Variants in USP42 observed in about 807,000 individuals in gnomAD.
The protein encoded by USP42 is ubiquitin specific peptidase 42.
In USP42, 23 loss-of-function variants were observed where a neutral mutation model predicts 113.0. That is an observed-to-expected ratio of 0.20 (90% CI 0.15 to 0.29). The LOEUF is 0.29. Among genes scored for constraint, USP42 ranks in the 10% least tolerant of loss-of-function variants. The probability of loss-of-function intolerance (pLI) is 1.00; values close to 1 mark genes in which losing one functional copy is unlikely to be tolerated. For synonymous variants in USP42, 933 were observed against 699.0 expected, an observed-to-expected ratio of 1.33 and a Z score of -5.28; for missense variants, 2,174 against 1,779.8, an observed-to-expected ratio of 1.22 and a Z score of -3.99.
rs1361649537 is a variant in USP42, at chr7:6,158,227, C to T, written c.3943+1172C>T. Among the ~76,000 whole-genome samples the T allele has an allele frequency of 6.6e-6, 1 of 152,238 alleles. No individual in the cohort carries two copies. Among genetic ancestry groups the T allele is most frequent in the Admixed American group, 6.5e-5 (1 of 15,290 alleles). On this transcript the variant is annotated intron_variant, in intron 16 of 17. Coordinates refer to ENST00000306177, the MANE Select transcript of USP42 (RefSeq NM_032172.3). The surrounding 1 kb of genome is among the most constrained non-coding windows in gnomAD (Gnocchi z 4.2). ...GCGTTCCCACGCTGTCTGGCGGCTT[C>T]GCTGTCACTGCCTGGCAGAGGTGAG...
the USP42 span, among the ~76,000 whole-genome samples, chr7:6,087,265 A>G: frequency 6.7e-6 from 1 of 148,324 alleles, no homozygotes; most frequent in Non-Finnish European, 1.5e-5. Flanking sequence ...TCCTGACCTC[A>G]GGTGATCTGC....
At chr7:6,121,850 G>A (rs1313165712) in intron 3 of USP42, among the ~76,000 whole-genome samples, 1 of 152,030 alleles carries the variant, frequency 6.6e-6, no homozygotes, top group Non-Finnish European at 1.5e-5. Flanking sequence ...TTGTAGAGAC[G>A]AGGTCTCACT....
rs778976025 is a variant in USP42, at chr7:6,156,861, T to C, written c.3749T>C (p.Phe1250Ser). Residue 1250 changes from phenylalanine (F) to serine (S), a missense_variant, in exon 16 of 18, where the codon TTT becomes TCT. Transcript: ENST00000306177. ...KKRHSRKSEDFVKDSELHLPR... is the reference protein window; with the variant it reads ...KKRHSRKSEDSVKDSELHLPR... ...AGACATTCAAGAAAATCAGAGGACT[T>C]TGTTAAAGATTCAGAACTGCACTTA... The C allele has an allele frequency of 3.1e-6, 5 of 1,610,838 alleles. No homozygotes were observed. In the East Asian group the frequency reaches 8.9e-5, roughly 29 times the overall value.
At chr7:6,095,365 G>A in the USP42 span, among the ~76,000 whole-genome samples, 20 of 151,126 alleles carry the variant, frequency 1.3e-4, 1 homozygote, top group South Asian at 8.3e-4. Flanking sequence ...ATATAATTAC[G>A]GAGTAAATTA....
At chr7:6,136,329 A>T (rs1173024932) in intron 4 of USP42, among the ~76,000 whole-genome samples, 1 of 152,084 alleles carries the variant, frequency 6.6e-6, no homozygotes, top group East Asian at 1.9e-4. Flanking sequence ...CTTAATGTCC[A>T]ACTGGTGAAA....
In USP42 at chr7:6,154,761, C is replaced by T. The variant is rs1782326030; in HGVS notation, c.3207C>T (p.Tyr1069=). Reference sequence around the variant, plus strand: ...ACTACCATGACAGGTACGCCCTGTACGCTGCCCGGGACTGGAAGCCCTTCC... The same window carrying T: ...ACTACCATGACAGGTACGCCCTGTATGCTGCCCGGGACTGGAAGCCCTTCC... ...CRYYHDRYAL[Y]AARDWKPFHG... Residue 1069 remains tyrosine, a synonymous_variant, in exon 15 of 18, where the codon TAC becomes TAT. Coordinates refer to ENST00000306177, the MANE Select transcript of USP42 (RefSeq NM_032172.3). The T allele has an allele frequency of 5.1e-6, 8 of 1,558,690 alleles. No homozygotes were observed. Among genetic ancestry groups the T allele is most frequent in the East Asian group, 4.8e-5 (2 of 41,362 alleles).
chr7:6,104,247 T>C (rs1779120579), upstream of USP42, among the ~76,000 whole-genome samples: 1 of 151,018 alleles, frequency 6.6e-6, no homozygotes. Flanking sequence ...CACGCCCGGC[T>C]AATTTTTTGT....
At position 6,159,621 on chromosome 7, in the gene USP42, GC is replaced by G. The variant is rs539509271; in HGVS notation, c.*36+132del. ...TAGGAGTTGGCAGAGCCATGGAGAG[GC>G]CCCGGCAGGTTCCCAGCCAGCCCAG... On this transcript the variant is annotated intron_variant, in intron 17 of 17. Coordinates refer to ENST00000306177, the MANE Select transcript of USP42 (RefSeq NM_032172.3). The surrounding 1 kb of genome is among the most constrained non-coding windows in gnomAD (Gnocchi z 4.1). 152 of 949,642 alleles carry G rather than the reference GC, an allele frequency of 1.6e-4. 1 individual carries two copies. In the African/African-American group the frequency reaches 2.4e-3, roughly 15 times the overall value. 58.8% of individuals were successfully genotyped at this position (949,642 alleles called of 1,614,324 possible).
intron 1 of USP42, among the ~76,000 whole-genome samples, chr7:6,105,452 C>T (rs1027760710): frequency 1.3e-5 from 2 of 149,040 alleles, no homozygotes; most frequent in African/African-American, 4.9e-5. Context: ...ACCGCGGAGT[C>T]CGGCGTCCCC....
intron 3 of USP42, among the ~76,000 whole-genome samples, chr7:6,132,951 G>T (rs995753385): frequency 2.6e-5 from 4 of 152,172 alleles, no homozygotes; most frequent in Non-Finnish European, 5.9e-5. Context: ...GATTACAGGC[G>T]TGAGCCACTG....
At chr7:6,145,785 C>G in intron 10 of USP42, 129 bp downstream of exon 10, 2 of 1,110,014 alleles carry the variant, frequency 1.8e-6, no homozygotes, top group East Asian at 2.6e-5. Context: ...AAATATTTCT[C>G]TTGGCCGGGC....
intron 3 of USP42, among the ~76,000 whole-genome samples, chr7:6,119,147 T>C (rs141849001): frequency 0.012 from 1,878 of 152,096 alleles, 38 homozygotes; most frequent in African/African-American, 0.041. Flanking sequence ...CCTGGGAGTT[T>C]GAGGCTGCCG....
At position 6,139,229 on chromosome 7, in the gene USP42, G is replaced by T. The variant is rs943031497; in HGVS notation, c.656+35G>T. On this transcript the variant is annotated intron_variant, in intron 5 of 17. Transcript: ENST00000306177. This position sits in a 1 kb window ranked among gnomAD's most constrained non-coding sequence, Gnocchi z 4.5. ...ACAGAGCGCCAGCCATGTCTTCATT[G>T]GGGATCTCTGGTTGTAGTTTATTCT... 1.4e-6 allele frequency: 2 copies of T among 1,448,968 alleles called. No individual in the cohort carries two copies. The highest frequency in any genetic ancestry group is 2.4e-5 in the East Asian group (1 of 42,026). 89.8% of individuals were successfully genotyped at this position (1,448,968 alleles called of 1,614,324 possible).
intron 8 of USP42, 71 bp from the exon 9 acceptor site, chr7:6,144,014 G>A (rs1781572478): frequency 1.9e-6 from 2 of 1,040,190 alleles, no homozygotes; most frequent in Admixed American, 3.8e-5. Flanking sequence ...ATAGTAACAA[G>A]AAAGACCAAA....
chr7:6,159,155 T>A lies in USP42; in HGVS notation c.3944-295T>A, dbSNP rs1407693712. ...TTGTCTTTCTCTTTCAAACTCCTCCTCTGGCTCTGTTCCGCCCAGTTCAGT... is the reference window on the plus strand; with the variant it reads ...TTGTCTTTCTCTTTCAAACTCCTCCACTGGCTCTGTTCCGCCCAGTTCAGT... On this transcript the variant is annotated intron_variant, in intron 16 of 17. Coordinates refer to ENST00000306177, the MANE Select transcript of USP42 (RefSeq NM_032172.3). The surrounding 1 kb of genome is among the most constrained non-coding windows in gnomAD (Gnocchi z 4.1). 3.9e-5 allele frequency among the ~76,000 whole-genome samples: 6 copies of A among 152,196 alleles called. No homozygotes were observed. Among genetic ancestry groups the A allele is most frequent in the African/African-American group, 9.6e-5 (4 of 41,464 alleles).
intron 1 of USP42, among the ~76,000 whole-genome samples, chr7:6,106,547 A>G (rs958666707): frequency 6.6e-6 from 1 of 152,204 alleles, no homozygotes; most frequent in Non-Finnish European, 1.5e-5. Flanking sequence ...TCCTCCACAC[A>G]GATCCAACCT....
rs768042100 is a variant in USP42 at position 6,154,730 on chromosome 7, G to A, written c.3176G>A (p.Cys1059Tyr). 1.9e-6 allele frequency: 3 copies of A among 1,585,002 alleles called. No individual in the cohort carries two copies. Among genetic ancestry groups the A allele is most frequent in the Non-Finnish European group, 2.6e-6 (3 of 1,167,278 alleles). The change falls in exon 15 of 18, where the codon TGC becomes TAC. Residue 1059 changes from cysteine (C) to tyrosine (Y), a missense_variant. By Grantham distance (194) the Cys-to-Tyr change is radical. Coordinates refer to ENST00000306177, the MANE Select transcript of USP42 (RefSeq NM_032172.3). ...CCCGACAGGCCGCGCTGGGACAGGTGCCGGTACTACCATGACAGGTACGCC... is the reference window on the plus strand; with the variant it reads ...CCCGACAGGCCGCGCTGGGACAGGTACCGGTACTACCATGACAGGTACGCC... ...FYPDRPRWDR[C>Y]RYYHDRYALY...
chr7:6,148,450 A>C (rs1781844940), intron 12 of USP42, among the ~76,000 whole-genome samples: 1 of 152,210 alleles, frequency 6.6e-6, no homozygotes, highest in Admixed American at 6.5e-5. Context: ...TCCCCTCTGG[A>C]CTTCCATTCT....
At chr7:6,100,018 A>ATTATTG, upstream of USP42, among the ~76,000 whole-genome samples, 1 of 148,504 alleles carries the variant, frequency 6.7e-6, no homozygotes, top group East Asian at 2.0e-4. Flanking sequence ...TATTATTATT[A>ATTATTG]TTATTATTAT....
Sources: gnomAD v4.1 joint callset for allele counts (sites outside exome capture counted in the v4.1 genomes callset) on GRCh38, gnomAD v4.1.1 for gene constraint, Gnocchi (gnomAD v3.1) non-coding constraint, MANE v1.5 for transcripts, NCBI Gene and HGNC (gene_info 2026-07-23, HGNC 2026-07-21) for gene names.